LRRC8A: variants seen among roughly 807,000 people sequenced by gnomAD.
The protein encoded by LRRC8A is leucine rich repeat containing 8 VRAC subunit A.
A neutral mutation model predicts 52.5 loss-of-function variants in LRRC8A; 24 were observed. The ratio of observed to expected loss-of-function variants is 0.46; its 90% CI spans 0.33 to 0.64. The LOEUF is 0.64. LRRC8A is among the 30% of genes least tolerant of loss of function. LRRC8A has a pLI of 0.02. For synonymous variants in LRRC8A, 492 were observed against 494.2 expected (o/e 1.00, Z 0.06); for missense variants, 677 against 1,094.7 (o/e 0.62, Z 5.38).
At chr9:128,901,580 G>A (rs1466582854) in intron 2 of LRRC8A, among the ~76,000 whole-genome samples, 1 of 152,180 alleles carries the variant, frequency 6.6e-6, no homozygotes, top group East Asian at 1.9e-4. Context: ...GGACAACATA[G>A]CAAGACCCCG....
rs139016596 is a variant in LRRC8A at position 128,917,118 on chromosome 9, TAAAAA to T, written c.*754_*758del. 3.5e-5 allele frequency: 5 copies of T among 143,764 alleles called. No homozygotes were observed. The highest frequency in any genetic ancestry group is 1.3e-4 in the African/African-American group (5 of 38,956). 8.9% of individuals were successfully genotyped at this position (143,764 alleles called of 1,614,324 possible). A position where few individuals can be genotyped will look rare whatever the true frequency, so the allele number is the denominator to read the frequency against. ...GGGTATTAAAAAGAAAAAAAAAACT[TAAAAA>T]AAAAAAGACACTAACGGCCAGTGAG... On this transcript the variant is annotated 3_prime_UTR_variant, in exon 4 of 4. Transcript: ENST00000372600.
intron 2 of LRRC8A, among the ~76,000 whole-genome samples, chr9:128,889,930 G>A (rs1839539893): frequency 2.0e-5 from 3 of 151,900 alleles, no homozygotes; most frequent in African/African-American, 7.3e-5. Flanking sequence ...AGCCTCCCAA[G>A]TAGCTGGGAT....
intron 2 of LRRC8A, among the ~76,000 whole-genome samples, chr9:128,894,428 G>A (rs890762325): frequency 6.6e-5 from 10 of 151,392 alleles, no homozygotes; most frequent in African/African-American, 2.4e-4. Flanking sequence ...AGCTTGCAGT[G>A]AGCAGAGATC....
rs1839648858 is a variant in LRRC8A at position 128,892,174 on chromosome 9, C to T, written c.-9+6053C>T. ...TCGTGGTGAGGTGGGTGCCACCTTG[C>T]TGCTATGCATGAAGGTTGGGAGATG... On this transcript the variant is annotated intron_variant, in intron 2 of 3. Transcript: ENST00000372600. This position sits in a 1 kb window ranked among gnomAD's most constrained non-coding sequence, Gnocchi z 5.2. 6.6e-6 allele frequency among the ~76,000 whole-genome samples: 1 copy of T among 152,224 alleles called. No individual in the cohort carries two copies. Among genetic ancestry groups the T allele is most frequent in the African/African-American group, 2.4e-5 (1 of 41,462 alleles).
rs920934591 is a variant in LRRC8A at position 128,915,951 on chromosome 9, C to T, written c.2158-145C>T. ...ACCTGGTGCACAGGCAGATGTTGGC[C>T]AGAGTTTGGCCCAGATTGTGCTGAT... On this transcript the variant is annotated intron_variant, in intron 3 of 3. Transcript: ENST00000372600. 32 of 1,003,262 alleles carry T rather than the reference C, an allele frequency of 3.2e-5. No individual in the cohort carries two copies. In the Admixed American group the frequency reaches 3.5e-4, roughly 11 times the overall value. The allele number at this position is 1,003,262 out of a possible 1,614,324, so 62.1% of individuals were successfully genotyped here. A position where few individuals can be genotyped will look rare whatever the true frequency, so the allele number is the denominator to read the frequency against.
Position 128,907,617 on chromosome 9 carries a change from G to A in LRRC8A, c.453G>A (p.Ser151=), listed in dbSNP as rs138562691. The change falls in exon 3 of 4, where the codon TCG becomes TCA. Residue 151 remains serine, a synonymous_variant. Transcript: ENST00000372600. The surrounding 1 kb of genome is among the most constrained non-coding windows in gnomAD (Gnocchi z 9.3). Reference sequence around the variant, plus strand: ...GGTTCAAATTCCCGCGCACCAGCTCGAAGCTGGAGCACTTTGTGTCTATCC... The same window carrying A: ...GGTTCAAATTCCCGCGCACCAGCTCAAAGCTGGAGCACTTTGTGTCTATCC... ...NFWFKFPRTS[S]KLEHFVSILL... 3.7e-6 allele frequency: 6 copies of A among 1,614,046 alleles called. No homozygotes were observed. In the East Asian group the frequency reaches 6.7e-5, roughly 18 times the overall value.
chr9:128,889,655 C>T (rs561721730), intron 2 of LRRC8A, among the ~76,000 whole-genome samples: 34 of 151,554 alleles, frequency 2.2e-4, no homozygotes, highest in African/African-American at 8.0e-4. Context: ...CCACCATGCC[C>T]AGCTAATTTT....
chr9:128,894,541 C>A (rs1839749738), intron 2 of LRRC8A, among the ~76,000 whole-genome samples: 1 of 150,558 alleles, frequency 6.6e-6, no homozygotes, highest in Non-Finnish European at 1.5e-5. Context: ...ACCTGTAATC[C>A]CAGCACTTTG....
At chr9:128,882,909 GGTGAGCTGGATACCCAGCAAACT>G (rs1839155944) in intron 1 of LRRC8A, 2 of 397,802 alleles carry the variant, frequency 5.0e-6, no homozygotes, top group Non-Finnish European at 8.8e-6. Flanking sequence ...TGCAGCCCTA[GGTGAGCTGGATACCCAGCAAACT>G]GAGCTCCCAG....
At chr9:128,884,556 A>T (rs1288455018) in intron 1 of LRRC8A, among the ~76,000 whole-genome samples, 2 of 152,142 alleles carry the variant, frequency 1.3e-5, no homozygotes, top group African/African-American at 2.4e-5. Flanking sequence ...CCACCATATT[A>T]ATAGAAATAT....
At chr9:128,886,531 G>T (rs1441689951) in intron 2 of LRRC8A, among the ~76,000 whole-genome samples, 1 of 152,150 alleles carries the variant, frequency 6.6e-6, no homozygotes, top group Non-Finnish European at 1.5e-5. Context: ...CTTGCTGCAG[G>T]ACTTATCAGA....
intron 3 of LRRC8A, among the ~76,000 whole-genome samples, chr9:128,910,890 G>C (rs777226087): frequency 3.3e-5 from 5 of 152,300 alleles, no homozygotes; most frequent in Non-Finnish European, 5.9e-5. Context: ...TCTTAGTTCG[G>C]TTGTTGCTGT....
intron 1 of LRRC8A, among the ~76,000 whole-genome samples, chr9:128,883,987 A>C (rs566536292): frequency 6.6e-6 from 1 of 152,018 alleles, no homozygotes; most frequent in African/African-American, 2.4e-5. Flanking sequence ...AAAAACAAAA[A>C]AAAAAACAGA....
At chr9:128,893,399 A>C (rs1003676241) in intron 2 of LRRC8A, among the ~76,000 whole-genome samples, 1 of 152,148 alleles carries the variant, frequency 6.6e-6, no homozygotes, top group Non-Finnish European at 1.5e-5. Context: ...CCTTACTTTT[A>C]ATTCTCACGA....
chr9:128,896,476 A>G (rs1363029036), intron 2 of LRRC8A, among the ~76,000 whole-genome samples: 2 of 152,176 alleles, frequency 1.3e-5, no homozygotes, highest in Admixed American at 6.5e-5. Context: ...CGTGCATCCT[A>G]CCTTCTCTAA....
At chr9:128,893,406 A>G (rs1447899986) in intron 2 of LRRC8A, among the ~76,000 whole-genome samples, 1 of 152,120 alleles carries the variant, frequency 6.6e-6, no homozygotes, top group African/African-American at 2.4e-5. Flanking sequence ...TTTAATTCTC[A>G]CGATAACCCA....
At chr9:128,888,140 G>A (rs1051923013) in intron 2 of LRRC8A, among the ~76,000 whole-genome samples, 2 of 152,158 alleles carry the variant, frequency 1.3e-5, no homozygotes, top group Non-Finnish European at 2.9e-5. Flanking sequence ...GATAAGGTCA[G>A]CCAACTCCTG....
At chr9:128,901,671 T>G (rs1026078966) in intron 2 of LRRC8A, among the ~76,000 whole-genome samples, 3 of 152,080 alleles carry the variant, frequency 2.0e-5, no homozygotes, top group African/African-American at 7.2e-5. Context: ...GTGAAGAAAC[T>G]GAGGCTGCAA....
chr9:128,909,237 C>T lies in LRRC8A; in HGVS notation c.2073C>T (p.Asp691=), dbSNP rs774945980. 1.5e-5 allele frequency: 24 copies of T among 1,614,146 alleles called. No homozygotes were observed. In the South Asian group the frequency reaches 2.6e-4, roughly 18 times the overall value. The change falls in exon 3 of 4, where the codon GAC becomes GAT. Residue 691 remains aspartate (D), a synonymous_variant. Transcript: ENST00000372600. The part of the protein sequence containing the change: ...LFYCRKLRYL[D]LSHNNLTFLP... Reference sequence around the variant, plus strand: ...ACTGCCGCAAGCTGCGCTACCTGGACCTCAGCCACAACAACCTGACCTTCC... The same window carrying T: ...ACTGCCGCAAGCTGCGCTACCTGGATCTCAGCCACAACAACCTGACCTTCC...
Sources: gnomAD v4.1 joint callset for allele counts (sites outside exome capture counted in the v4.1 genomes callset) on GRCh38, gnomAD v4.1.1 for gene constraint, Gnocchi (gnomAD v3.1) non-coding constraint, MANE v1.5 for transcripts, NCBI Gene and HGNC (gene_info 2026-07-23, HGNC 2026-07-21) for gene names.